OLFM3: variants seen among roughly 807,000 people sequenced by gnomAD.
OLFM3 encodes olfactomedin 3.
A neutral mutation model predicts 48.6 loss-of-function variants in OLFM3; 20 were observed. That is an observed-to-expected ratio of 0.41 (90% CI 0.29 to 0.60). The LOEUF (loss-of-function observed/expected upper bound fraction) is 0.60. OLFM3 is among the 20% of genes least tolerant of loss of function. The pLI is 0.28. For synonymous variants in OLFM3, 222 were observed against 198.1 expected, an observed-to-expected ratio of 1.12 and a Z score of -1.01; for missense variants, 437 against 544.3, an observed-to-expected ratio of 0.80 and a Z score of 1.96.
chr1:101,954,327 A>T (rs1163571779), intron 1 of OLFM3, among the ~76,000 whole-genome samples: 2 of 152,090 alleles, frequency 1.3e-5, no homozygotes, highest in African/African-American at 4.8e-5. Flanking sequence ...ACATGTAGGA[A>T]TGTATAATTT....
intron 1 of OLFM3, among the ~76,000 whole-genome samples, chr1:101,890,013 G>A (rs1009280130): frequency 6.6e-6 from 1 of 151,984 alleles, no homozygotes; most frequent in Non-Finnish European, 1.5e-5. Flanking sequence ...CAGCCACAGG[G>A]AACTGATTAA....
intron 4 of OLFM3, among the ~76,000 whole-genome samples, chr1:101,810,226 A>T (rs76840180): frequency 0.011 from 1,670 of 152,088 alleles, 34 homozygotes; most frequent in African/African-American, 0.038. Context: ...ATGAAATCAT[A>T]TTAGGAGGAA....
chr1:101,961,676 A>G (rs566164728), intron 1 of OLFM3, among the ~76,000 whole-genome samples: 1 of 152,186 alleles, frequency 6.6e-6, no homozygotes, highest in Non-Finnish European at 1.5e-5. Context: ...GACAGCGAGG[A>G]GAGACTATGC....
chr1:101,917,922 T>C (rs2101035062), intron 1 of OLFM3, among the ~76,000 whole-genome samples: 1 of 152,320 alleles, frequency 6.6e-6, no homozygotes, highest in Non-Finnish European at 1.5e-5. Context: ...GAGCACGTAA[T>C]TTATAATTAT....
chr1:101,827,909 G>A (rs1654938898), intron 3 of OLFM3, among the ~76,000 whole-genome samples: 1 of 152,124 alleles, frequency 6.6e-6, no homozygotes, highest in African/African-American at 2.4e-5. Context: ...CCAGGTGAAA[G>A]GTGATTGTAT....
At chr1:101,814,113 T>A (rs1262599726) in intron 4 of OLFM3, among the ~76,000 whole-genome samples, 1 of 152,174 alleles carries the variant, frequency 6.6e-6, no homozygotes, top group Non-Finnish European at 1.5e-5. Flanking sequence ...TTTTGGCTAG[T>A]TGACTCTTAT....
rs1215588189 is a variant in OLFM3 at position 101,991,016 on chromosome 1, AATAT to A, written c.69+5728_69+5731del. The stretch of plus-strand genomic sequence containing the variant: ...AAAAAAAAAAAAAAAAAAAAAAAAA[AATAT>A]ATATATATATATATATATATACTTC... On this transcript the variant is annotated intron_variant, in intron 1 of 5. Transcript: ENST00000370103. 6.6e-3 allele frequency among the ~76,000 whole-genome samples: 213 copies of A among 32,208 alleles called. 4 individuals carry two copies. Among genetic ancestry groups the A allele is most frequent in the Non-Finnish European group, 7.4e-3 (142 of 19,250 alleles). 21.1% of individuals were successfully genotyped at this position (32,208 alleles called of 152,430 possible). A position where few individuals can be genotyped will look rare whatever the true frequency, so the allele number is the denominator to read the frequency against.
At chr1:101,906,050 A>G (rs1387696916) in intron 1 of OLFM3, among the ~76,000 whole-genome samples, 1 of 152,132 alleles carries the variant, frequency 6.6e-6, no homozygotes, top group African/African-American at 2.4e-5. Flanking sequence ...TGAATTTCGA[A>G]TGATTTCTTT....
intron 1 of OLFM3, among the ~76,000 whole-genome samples, chr1:101,970,949 A>T (rs1325217923): frequency 1.1e-5 from 1 of 87,068 alleles, no homozygotes; most frequent in Non-Finnish European, 3.1e-5. Context: ...TATAAAATGC[A>T]CGTAGCTGAG....
intron 1 of OLFM3, chr1:101,847,004 CTG>C (rs1369632055): frequency 1.3e-6 from 2 of 1,588,496 alleles, no homozygotes; most frequent in Non-Finnish European, 1.7e-6. Flanking sequence ...TTCATAGTGA[CTG>C]ATTAAGATCC....
At chr1:101,805,859 T>C (rs1653745042) in intron 5 of OLFM3, among the ~76,000 whole-genome samples, 2 of 151,762 alleles carry the variant, frequency 1.3e-5, no homozygotes, top group South Asian at 4.1e-4. Flanking sequence ...AAAAATTAGA[T>C]TTGCTAAAGT....
chr1:101,986,354 G>A (rs900033616), intron 1 of OLFM3, among the ~76,000 whole-genome samples: 6 of 152,066 alleles, frequency 3.9e-5, no homozygotes, highest in African/African-American at 1.4e-4. Flanking sequence ...TACTCATCTT[G>A]TACATGAGGA....
At position 101,935,870 on chromosome 1, in the gene OLFM3, A is replaced by T. The variant is rs12757309; in HGVS notation, c.69+60878T>A. Among the ~76,000 whole-genome samples, 1,480 of 152,234 alleles carry T rather than the reference A, an allele frequency of 9.7e-3. 8 individuals carry two copies. Among genetic ancestry groups the T allele is most frequent in the Middle Eastern group, 0.017 (5 of 294 alleles). On this transcript the variant is annotated intron_variant, in intron 1 of 5. Transcript: ENST00000370103. ...CTCATAAATAGAATTTAAAACAAAA[A>T]CCACATGATCACCTTAATAGATGGA...
chr1:101,992,318 G>T (rs900942069), intron 1 of OLFM3, among the ~76,000 whole-genome samples: 1 of 152,130 alleles, frequency 6.6e-6, no homozygotes, highest in African/African-American at 2.4e-5. Context: ...GAGTGAGAAA[G>T]AATATTTACT....
At chr1:101,885,647 T>A (rs1657722805) in intron 1 of OLFM3, among the ~76,000 whole-genome samples, 1 of 152,092 alleles carries the variant, frequency 6.6e-6, no homozygotes, top group South Asian at 2.1e-4. Context: ...TTCACTTTCA[T>A]CTAATGGATA....
chr1:101,926,267 A>G (rs895455984), intron 1 of OLFM3, among the ~76,000 whole-genome samples: 7 of 152,186 alleles, frequency 4.6e-5, no homozygotes, highest in African/African-American at 1.7e-4. Flanking sequence ...GGCAACAGAG[A>G]TGGTACTATG....
chr1:101,915,177 T>C (rs1434629686), intron 1 of OLFM3, among the ~76,000 whole-genome samples: 1 of 152,192 alleles, frequency 6.6e-6, no homozygotes, highest in African/African-American at 2.4e-5. Flanking sequence ...AGCTGCAAGA[T>C]ATTACGCTAA....
chr1:101,922,412 C>T lies in OLFM3; in HGVS notation c.69+74336G>A, dbSNP rs922320597. Among the ~76,000 whole-genome samples the T allele has an allele frequency of 2.6e-5, 4 of 152,150 alleles. No individual in the cohort carries two copies. In the South Asian group the frequency reaches 8.3e-4, roughly 32 times the overall value. On this transcript the variant is annotated intron_variant, in intron 1 of 5. Coordinates refer to ENST00000370103, the MANE Select transcript of OLFM3 (RefSeq NM_058170.4). ...CACCGTACATACAGGCCCATACATACAGCTGATCTCATTATTATAAGGACT... is the reference window on the plus strand; with the variant it reads ...CACCGTACATACAGGCCCATACATATAGCTGATCTCATTATTATAAGGACT...
intron 1 of OLFM3, among the ~76,000 whole-genome samples, chr1:101,931,179 T>C (rs1659433588): frequency 6.6e-6 from 1 of 152,190 alleles, no homozygotes; most frequent in Admixed American, 6.5e-5. Context: ...AATAATAAGC[T>C]CTCATGACCT....
Sources: gnomAD v4.1 joint callset for allele counts (sites outside exome capture counted in the v4.1 genomes callset) on GRCh38, gnomAD v4.1.1 for gene constraint, MANE v1.5 for transcripts, NCBI Gene and HGNC (gene_info 2026-07-23, HGNC 2026-07-21) for gene names.